The following IL23R variants were observed in gnomAD, a reference collection of about 807,000 sequenced individuals.
The protein encoded by IL23R is interleukin-23 receptor.
IL23R carries 34 observed loss-of-function variants against 56.9 expected under a neutral mutation model. That is an observed-to-expected ratio of 0.60 (90% CI 0.45 to 0.80). The LOEUF is 0.80. Among genes scored for constraint, IL23R ranks in the 30% least tolerant of loss-of-function variants. The probability of loss-of-function intolerance (pLI) is 0.00; values close to 1 mark genes in which losing one functional copy is unlikely to be tolerated. For missense variants in IL23R, 635 were observed against 730.0 expected (o/e 0.87, Z 1.50); for synonymous variants, 230 against 249.2 (o/e 0.92, Z 0.73).
intron 3 of IL23R, among the ~76,000 whole-genome samples, chr1:67,175,287 A>G (rs537631100): frequency 1.2e-4 from 19 of 152,274 alleles, no homozygotes; most frequent in Admixed American, 1.1e-3. Flanking sequence ...AAGAGCCTTG[A>G]AATAGAGTTG....
intron 4 of IL23R, among the ~76,000 whole-genome samples, chr1:67,196,493 T>C (rs1648165809): frequency 6.6e-6 from 1 of 152,196 alleles, no homozygotes; most frequent in South Asian, 2.1e-4. Context: ...TGAGTTATGA[T>C]TTGTGCCACT....
intron 3 of IL23R, among the ~76,000 whole-genome samples, chr1:67,180,142 T>G (rs879023343): frequency 6.6e-6 from 1 of 152,218 alleles, no homozygotes; most frequent in Non-Finnish European, 1.5e-5. Flanking sequence ...GTCTGCTTGG[T>G]GCAGAGCTGA....
At chr1:67,201,408 A>G (rs1275308078) in intron 5 of IL23R, among the ~76,000 whole-genome samples, 1 of 119,254 alleles carries the variant, frequency 8.4e-6, no homozygotes, top group African/African-American at 5.0e-5. Flanking sequence ...ACTCTTGTCT[A>G]AAAAAAAAAA....
chr1:67,225,302 T>G (rs1281427212), intron 7 of IL23R, among the ~76,000 whole-genome samples: 4 of 152,186 alleles, frequency 2.6e-5, no homozygotes, highest in Non-Finnish European at 5.9e-5. Context: ...ATGATGAGAA[T>G]GAAACCATAG....
intron 1 of IL23R, among the ~76,000 whole-genome samples, chr1:67,144,422 CA>C (rs1447992320): frequency 6.6e-6 from 1 of 152,100 alleles, no homozygotes; most frequent in Non-Finnish European, 1.5e-5. Context: ...CAAATGTTGA[CA>C]AAAAGGATTA....
rs542728432 is a variant in IL23R at position 67,211,126 on chromosome 1, A to T, written c.798+4071A>T. ...GGTTGTTTGCATACACTTAAATGGG[A>T]TCCACGTTCTGCATCATTTGATTGA... On this transcript the variant is annotated intron_variant, in intron 6 of 10. Transcript: ENST00000347310. Among the ~76,000 whole-genome samples, 7 of 152,336 alleles carry T rather than the reference A, an allele frequency of 4.6e-5. No individual in the cohort carries two copies. In the East Asian group the frequency reaches 1.2e-3, roughly 25 times the overall value.
intron 3 of IL23R, among the ~76,000 whole-genome samples, chr1:67,175,975 G>A (rs1647002748): frequency 1.3e-5 from 2 of 152,228 alleles, no homozygotes; most frequent in Admixed American, 1.3e-4. Flanking sequence ...ACAGATATGA[G>A]CCACCACACC....
chr1:67,165,121 A>G (rs2102549063), upstream of IL23R, among the ~76,000 whole-genome samples: 1 of 152,218 alleles, frequency 6.6e-6, no homozygotes, highest in African/African-American at 2.4e-5. Context: ...AAATGGGAGG[A>G]TCACCTGAGC....
At chr1:67,194,551 T>G (rs1233122749) in intron 4 of IL23R, among the ~76,000 whole-genome samples, 2 of 152,236 alleles carry the variant, frequency 1.3e-5, no homozygotes, top group African/African-American at 4.8e-5. Context: ...ATTCTTCAAT[T>G]AAAACAGTGC....
intron 9 of IL23R, among the ~76,000 whole-genome samples, chr1:67,247,994 G>C (rs1652353894): frequency 6.6e-6 from 1 of 152,184 alleles, no homozygotes; most frequent in Admixed American, 6.5e-5. Flanking sequence ...CTTTTAGTCT[G>C]ATGGGCTTCC....
Position 67,207,039 on chromosome 1 carries a change from C to A in IL23R, c.782C>A (p.Thr261Lys), listed in dbSNP as rs774474216. The change falls in exon 6 of 11, where the codon ACA (threonine) becomes AAA (lysine). Residue 261 changes from threonine (T) to lysine (K), a missense_variant. By Grantham distance (78) the Thr-to-Lys change is moderately conservative. Coordinates refer to ENST00000347310, the MANE Select transcript of IL23R (RefSeq NM_144701.3). ...VSCEMRYKAT[T>K]NQTWNVKEFD... ...TGTGAAATGAGATACAAGGCTACAA[C>A]AAACCAAACTTGGAATGTAAGCTCA... 3 of 1,614,012 alleles carry A rather than the reference C, an allele frequency of 1.9e-6. No individual in the cohort carries two copies. In the East Asian group the frequency reaches 6.7e-5, roughly 36 times the overall value.
intron 6 of IL23R, among the ~76,000 whole-genome samples, chr1:67,218,350 G>GTATATATATA (rs1224249825): frequency 7.3e-6 from 1 of 137,288 alleles, no homozygotes; most frequent in African/African-American, 2.9e-5. Context: ...GTGTGTGTGT[G>GTATATATATA]TGTGTGTGTA....
At chr1:67,148,811 G>C (rs571600629) in intron 1 of IL23R, among the ~76,000 whole-genome samples, 14 of 152,288 alleles carry the variant, frequency 9.2e-5, no homozygotes, top group Non-Finnish European at 7.3e-5. Context: ...TGGTCAGGCA[G>C]TAGCAGCAGT....
chr1:67,209,375 C>G (rs1043181497), intron 6 of IL23R, among the ~76,000 whole-genome samples: 1 of 152,138 alleles, frequency 6.6e-6, no homozygotes, highest in Non-Finnish European at 1.5e-5. Flanking sequence ...CATCAAATCT[C>G]AACTTGAATT....
At chr1:67,260,191 G>T (rs1480688725), downstream of IL23R, among the ~76,000 whole-genome samples, 1 of 151,822 alleles carries the variant, frequency 6.6e-6, no homozygotes, top group Non-Finnish European at 1.5e-5. Context: ...GTGTGATTTG[G>T]GACTAACAGC....
At chr1:67,146,555 A>G (rs1570753448) in intron 1 of IL23R, among the ~76,000 whole-genome samples, 2 of 152,332 alleles carry the variant, frequency 1.3e-5, no homozygotes, top group East Asian at 3.9e-4. Flanking sequence ...AGACAGACAG[A>G]CAGAAATAGT....
intron 7 of IL23R, among the ~76,000 whole-genome samples, chr1:67,224,148 C>T (rs1650472153): frequency 6.6e-6 from 1 of 152,154 alleles, no homozygotes; most frequent in Non-Finnish European, 1.5e-5. Context: ...CTGGAGAAGA[C>T]ACACAGTAAA....
At position 67,244,664 on chromosome 1, in the gene IL23R, G is replaced by C. The variant is rs535463040; in HGVS notation, c.1148+4383G>C. On this transcript the variant is annotated intron_variant, in intron 9 of 10. Transcript: ENST00000347310. ...TCTGAGGTCTCTGTTCTGTTCCATTGGTCTATATATCTGTTTTGGTACCAG... is the reference window on the plus strand; with the variant it reads ...TCTGAGGTCTCTGTTCTGTTCCATTCGTCTATATATCTGTTTTGGTACCAG... 1.1e-4 allele frequency among the ~76,000 whole-genome samples: 16 copies of C among 152,012 alleles called. 1 individual carries two copies. Among genetic ancestry groups the C allele is most frequent in the Admixed American group, 9.8e-4 (15 of 15,266 alleles).
At chr1:67,248,745 A>G (rs1368679050) in intron 9 of IL23R, among the ~76,000 whole-genome samples, 1 of 152,112 alleles carries the variant, frequency 6.6e-6, no homozygotes, top group Non-Finnish European at 1.5e-5. Context: ...CAATCAAGCC[A>G]GTGGATCTTA....
Sources: gnomAD v4.1 joint callset for allele counts (sites outside exome capture counted in the v4.1 genomes callset) on GRCh38, gnomAD v4.1.1 for gene constraint, MANE v1.5 for transcripts, NCBI Gene and HGNC (gene_info 2026-07-23, HGNC 2026-07-21) for gene names.